The following ADPRHL1 variants were observed in gnomAD, a reference collection of about 807,000 sequenced individuals.
The protein encoded by ADPRHL1 is inactive ADP-ribosyltransferase ARH2.
In ADPRHL1, 43 loss-of-function variants were observed where a neutral mutation model predicts 44.1. The ratio of observed to expected loss-of-function variants is 0.98; its 90% CI spans 0.76 to 1.26. The LOEUF (loss-of-function observed/expected upper bound fraction) is 1.26. Among genes scored for constraint, ADPRHL1 ranks in the 50% most tolerant of loss-of-function variants. The probability of loss-of-function intolerance (pLI) is 0.00; values close to 1 mark genes in which losing one functional copy is unlikely to be tolerated. For synonymous variants in ADPRHL1, 878 were observed against 1,017.4 expected, an observed-to-expected ratio of 0.86 and a Z score of 2.61; for missense variants, 2,022 against 2,496.9, an observed-to-expected ratio of 0.81 and a Z score of 4.05.
Position 113,400,801 on chromosome 13 carries a change from G to C in ADPRHL1, c.*2577C>G, listed in dbSNP as rs1195086984. 1 of 152,208 alleles carries C rather than the reference G, an allele frequency of 6.6e-6. No homozygotes were observed. The allele number at this position is 152,208 out of a possible 1,614,324, so 9.4% of individuals were successfully genotyped here. A position where few individuals can be genotyped will look rare whatever the true frequency, so the allele number is the denominator to read the frequency against. ...TGGAGAGGACGGGCCAGTCGAGCAG[G>C]TGGCCTCCTGGCCGCTCACAGACTC... On this transcript the variant is annotated 3_prime_UTR_variant, in exon 8 of 8. Coordinates refer to ENST00000612156, the MANE Select transcript of ADPRHL1 (RefSeq NM_001394807.1).
At chr13:113,423,070 AC>A in intron 6 of ADPRHL1, 91 bp from the exon 7 acceptor site, 1 of 1,547,920 alleles carries the variant, frequency 6.5e-7, no homozygotes, top group Non-Finnish European at 8.7e-7. Flanking sequence ...GGTGGGCCAA[AC>A]CCCAATTCTG....
At chr13:113,424,442 C>T in intron 5 of ADPRHL1, 93 bp from the exon 6 acceptor site, 1 of 1,532,358 alleles carries the variant, frequency 6.5e-7, no homozygotes, top group African/African-American at 1.4e-5. Context: ...TCCTAGTGAA[C>T]TGCCATTTCA....
chr13:113,427,288 C>T (rs749314161), intron 4 of ADPRHL1, among the ~76,000 whole-genome samples: 15 of 152,208 alleles, frequency 9.9e-5, no homozygotes, highest in Admixed American at 4.6e-4. Context: ...TCAGTAATGG[C>T]GTGGCCCCAT....
chr13:113,409,938 C>A lies in ADPRHL1; in HGVS notation c.1062-1718G>T. On this transcript the variant is annotated intron_variant, in intron 7 of 7. Coordinates refer to ENST00000612156, the MANE Select transcript of ADPRHL1 (RefSeq NM_001394807.1). The surrounding 1 kb of genome is among the most constrained non-coding windows in gnomAD (Gnocchi z 4.2). ...GAAGCTGAGCAGGCTGAAAAGAGAC[C>A]GGAAGGAAATGTGTGAACATACTTC... is the stretch of plus-strand genomic sequence containing the variant. The A allele has an allele frequency of 2.0e-6, 2 of 984,084 alleles. No individual in the cohort carries two copies. 61.0% of individuals were successfully genotyped at this position (984,084 alleles called of 1,614,324 possible). A position where few individuals can be genotyped will look rare whatever the true frequency, so the allele number is the denominator to read the frequency against.
Position 113,407,894 on chromosome 13 carries a change from C to CT in ADPRHL1, c.1387_1388insA (p.Gly463GlufsTer154). The CT allele has an allele frequency of 8.1e-7, 1 of 1,231,944 alleles. No individual in the cohort carries two copies. Among genetic ancestry groups the CT allele is most frequent in the South Asian group, 4.1e-5 (1 of 24,326 alleles). The allele number at this position is 1,231,944 out of a possible 1,614,324, so 76.3% of individuals were successfully genotyped here. On this transcript the variant is annotated frameshift_variant, in exon 8 of 8. Transcript: ENST00000612156. LOFTEE classifies it low-confidence loss of function (END_TRUNC). ...GATGGTGGCACCCACGAGGCCCCCA[C>CT]CCGGCCCCTGCTTGTCCTTGGAGAT... is the stretch of plus-strand genomic sequence containing the variant.
At chr13:113,437,408 C>G (rs2044069073) in intron 2 of ADPRHL1, among the ~76,000 whole-genome samples, 2 of 152,136 alleles carry the variant, frequency 1.3e-5, no homozygotes, top group South Asian at 4.1e-4. Context: ...CCCCGGGACC[C>G]AGCACCCAGG....
At chr13:113,439,216 G>A (rs932766705) in intron 2 of ADPRHL1, among the ~76,000 whole-genome samples, 1 of 151,962 alleles carries the variant, frequency 6.6e-6, no homozygotes, top group African/African-American at 2.4e-5. Context: ...TCCGCCTCCC[G>A]GGTTCAAGTG....
Position 113,407,353 on chromosome 13 carries a change from C to T in ADPRHL1, c.1929G>A (p.Ser643=), listed in dbSNP as rs1406007864. The T allele has an allele frequency of 6.5e-5, 80 of 1,231,888 alleles. No individual in the cohort carries two copies. Among genetic ancestry groups the T allele is most frequent in the Non-Finnish European group, 1.7e-5 (17 of 988,056 alleles). 76.3% of individuals were successfully genotyped at this position (1,231,888 alleles called of 1,614,324 possible). The change falls in exon 8 of 8, where the codon TCG becomes TCA. Residue 643 remains serine (S), a synonymous_variant. Coordinates refer to ENST00000612156, the MANE Select transcript of ADPRHL1 (RefSeq NM_001394807.1). ...WLSHCTKISH[S]EARRPPRGEA... ...CTCCTCTGGGTGGACGCCTTGCCTCCGAGTGGCTGATTTTGGTGCAGTGGG... is the reference window on the plus strand; with the variant it reads ...CTCCTCTGGGTGGACGCCTTGCCTCTGAGTGGCTGATTTTGGTGCAGTGGG...
intron 3 of ADPRHL1, among the ~76,000 whole-genome samples, chr13:113,429,903 T>A (rs1348193572): frequency 6.6e-6 from 1 of 152,250 alleles, no homozygotes. Context: ...GTATGTCAAA[T>A]TTTACAACTG....
intron 3 of ADPRHL1, among the ~76,000 whole-genome samples, chr13:113,431,869 C>T (rs2044009764): frequency 6.6e-6 from 1 of 152,022 alleles, no homozygotes; most frequent in East Asian, 1.9e-4. Context: ...GCATGCACCA[C>T]CGTGCCCAGC....
Position 113,405,422 on chromosome 13 carries a change from G to A in ADPRHL1, c.3860C>T (p.Pro1287Leu), listed in dbSNP as rs765684582. The change falls in exon 8 of 8, where the codon CCG becomes CTG. Residue 1287 changes from proline to leucine, a missense_variant. Transcript: ENST00000612156. ...AESPSYGPGL[P>L]PSPPENPQAK... is the part of the protein sequence containing the mutation. ...CTGTGGGTTCTCAGGAGGCGACGGCGGGAGGCCAGGGCCATAGCTGGGGGA... is the reference window on the plus strand; with the variant it reads ...CTGTGGGTTCTCAGGAGGCGACGGCAGGAGGCCAGGGCCATAGCTGGGGGA... 92 of 1,231,844 alleles carry A rather than the reference G, an allele frequency of 7.5e-5. No homozygotes were observed. Among genetic ancestry groups the A allele is most frequent in the Non-Finnish European group, 8.7e-5 (86 of 988,162 alleles). The allele number at this position is 1,231,844 out of a possible 1,614,324, so 76.3% of individuals were successfully genotyped here.
chr13:113,429,614 C>T (rs568613696), intron 3 of ADPRHL1, among the ~76,000 whole-genome samples: 6 of 152,370 alleles, frequency 3.9e-5, no homozygotes, highest in East Asian at 3.9e-4. Context: ...CACCGCGTCA[C>T]GTAGACCTTT....
chr13:113,410,620 A>G (rs1314303747), intron 7 of ADPRHL1, among the ~76,000 whole-genome samples: 1 of 152,210 alleles, frequency 6.6e-6, no homozygotes, highest in African/African-American at 2.4e-5. Flanking sequence ...GAGCCCACCC[A>G]GGAAGGAGCC....
rs1322033818 is a variant in ADPRHL1, at chr13:113,422,674, G to T, written c.1061+152C>A. ...TATTTTATGCAACAGTTAGGATTCT[G>T]AAATTGGAAACAGAGAGTTAGATGT... On this transcript the variant is annotated intron_variant, in intron 7 of 7. Transcript: ENST00000612156. 4 of 949,374 alleles carry T rather than the reference G, an allele frequency of 4.2e-6. No individual in the cohort carries two copies. The South Asian group carries it at 6.9e-5, about 16-fold the overall frequency. The allele number at this position is 949,374 out of a possible 1,614,324, so 58.8% of individuals were successfully genotyped here.
At position 113,403,682 on chromosome 13, in the gene ADPRHL1, C is replaced by T. The variant is rs2043780585; in HGVS notation, c.5600G>A (p.Arg1867His). The T allele has an allele frequency of 2.4e-5, 29 of 1,231,950 alleles. No homozygotes were observed. The highest frequency in any genetic ancestry group is 1.6e-4 in the East Asian group (5 of 31,694). 76.3% of individuals were successfully genotyped at this position (1,231,950 alleles called of 1,614,324 possible). A position where few individuals can be genotyped will look rare whatever the true frequency, so the allele number is the denominator to read the frequency against. ...PSAGYPPPGS[R>H]PLRGKSIATS... ...GGCAATGCTCTTGCCCCTGAGGGGG[C>T]GGCTTCCTGGGGGTGGGTACCCGGC... is the stretch of plus-strand genomic sequence containing the variant. Residue 1867 changes from arginine to histidine, a missense_variant, in exon 8 of 8, where the codon CGC becomes CAC. Transcript: ENST00000612156.
At chr13:113,439,416 C>T (rs886108902) in intron 2 of ADPRHL1, among the ~76,000 whole-genome samples, 8 of 148,338 alleles carry the variant, frequency 5.4e-5, no homozygotes, top group Admixed American at 1.4e-4. Flanking sequence ...AGCCACCGTG[C>T]CCAGCCTGGG....
chr13:113,453,086 C>T lies in ADPRHL1; in HGVS notation c.214+138G>A, dbSNP rs1399983340. On this transcript the variant is annotated intron_variant, in intron 1 of 7. Coordinates refer to ENST00000612156, the MANE Select transcript of ADPRHL1 (RefSeq NM_001394807.1). This position sits in a 1 kb window ranked among gnomAD's most constrained non-coding sequence, Gnocchi z 5.4. ...GAGGGACACTCAGATTAAATTGCCA[C>T]TTTTAGCAGCGGTATCAGGTAACAC... The T allele has an allele frequency of 3.3e-6, 3 of 900,026 alleles. No individual in the cohort carries two copies. Among genetic ancestry groups the T allele is most frequent in the Non-Finnish European group, 5.0e-6 (3 of 598,400 alleles). 55.8% of individuals were successfully genotyped at this position (900,026 alleles called of 1,614,324 possible). A position where few individuals can be genotyped will look rare whatever the true frequency, so the allele number is the denominator to read the frequency against.
rs1053874023 is a variant in ADPRHL1, at chr13:113,406,479, C to T, written c.2803G>A (p.Ala935Thr). The change falls in exon 8 of 8, where the codon GCC becomes ACC. Residue 935 changes from alanine to threonine, a missense_variant. Around this residue, in one of 8 missense-constraint regions of ADPRHL1, gnomAD observed 1,221 missense variants for 1,517.8 expected, o/e 0.80. Transcript: ENST00000612156. ...AGTGTCTCTGGGACACTGTGGTCGG[C>T]GCCCACAGCCCCTCTTGCTGCTGCC... Reference protein sequence around the residue: ...RLAAARGAVGADHSVPETLLT... With the variant: ...RLAAARGAVGTDHSVPETLLT... 9.7e-6 allele frequency: 12 copies of T among 1,231,872 alleles called. No homozygotes were observed. The highest frequency in any genetic ancestry group is 4.1e-5 in the South Asian group (1 of 24,320). The allele number at this position is 1,231,872 out of a possible 1,614,324, so 76.3% of individuals were successfully genotyped here.
intron 2 of ADPRHL1, among the ~76,000 whole-genome samples, 200 bp downstream of exon 2, chr13:113,444,225 C>T (rs958428154): frequency 6.6e-6 from 1 of 151,906 alleles, no homozygotes; most frequent in Non-Finnish European, 1.5e-5. Flanking sequence ...CCAGGAGGGG[C>T]CCCTGCCCAT....
Sources: gnomAD v4.1 joint callset for allele counts (sites outside exome capture counted in the v4.1 genomes callset) on GRCh38, gnomAD v4.1.1 for gene constraint, gnomAD v4.1.1 regional missense constraint, Gnocchi (gnomAD v3.1) non-coding constraint, MANE v1.5 for transcripts, NCBI Gene and HGNC (gene_info 2026-07-23, HGNC 2026-07-21) for gene names.